Variants in DEK observed in about 807,000 individuals in gnomAD.
DEK encodes the protein DEK proto-oncogene, also known as protein DEK.
In DEK, 28 loss-of-function variants were observed where a neutral mutation model predicts 46.8. The observed-to-expected ratio is 0.60, with a 90% confidence interval of 0.44 to 0.82. The LOEUF (loss-of-function observed/expected upper bound fraction) is 0.82. DEK is among the 40% of genes least tolerant of loss of function. The pLI, the probability that DEK is intolerant of heterozygous loss-of-function variation, is 0.00. For missense variants in DEK, 416 were observed against 430.6 expected, an observed-to-expected ratio of 0.97 and a Z score of 0.30; for synonymous variants, 160 against 144.5, an observed-to-expected ratio of 1.11 and a Z score of -0.77.
At chr6:18,234,796 C>T (rs1790576575) in intron 9 of DEK, among the ~76,000 whole-genome samples, 1 of 152,148 alleles carries the variant, frequency 6.6e-6, no homozygotes, top group East Asian at 1.9e-4. Flanking sequence ...ATTAAAAATA[C>T]TTTCTCACCT....
chr6:18,234,129 T>C (rs1036432589), intron 9 of DEK, among the ~76,000 whole-genome samples: 7 of 146,376 alleles, frequency 4.8e-5, no homozygotes, highest in African/African-American at 7.7e-5. Flanking sequence ...TAGGTGGGAA[T>C]TGAACAATGA....
intron 9 of DEK, among the ~76,000 whole-genome samples, chr6:18,229,027 G>A (rs182884931): frequency 3.3e-5 from 5 of 152,178 alleles, no homozygotes; most frequent in South Asian, 4.1e-4. Context: ...CACCTCACAC[G>A]GCCGGGTGCC....
At chr6:18,237,165 C>G in intron 8 of DEK, 129 of 364,722 alleles carry the variant, frequency 3.5e-4, no homozygotes, top group East Asian at 4.7e-4. Context: ...CCCAAGATAT[C>G]TCTCTCTCTG....
chr6:18,251,783 A>G (rs1791384516), intron 6 of DEK, among the ~76,000 whole-genome samples: 1 of 152,160 alleles, frequency 6.6e-6, no homozygotes, highest in African/African-American at 2.4e-5. Context: ...AATATCCCTC[A>G]CAATCTCAGC....
intron 7 of DEK, among the ~76,000 whole-genome samples, chr6:18,239,611 T>G (rs891111945): frequency 3.9e-5 from 6 of 152,158 alleles, no homozygotes; most frequent in Non-Finnish European, 8.8e-5. Context: ...AAATACATTT[T>G]TAAGGTGTCA....
chr6:18,253,523 T>C (rs1031374687), intron 6 of DEK, among the ~76,000 whole-genome samples: 2 of 152,154 alleles, frequency 1.3e-5, no homozygotes, highest in Non-Finnish European at 2.9e-5. Flanking sequence ...AAGCGGTAAA[T>C]GCATGTTACA....
intron 9 of DEK, among the ~76,000 whole-genome samples, chr6:18,229,625 T>G (rs981648765): frequency 6.6e-6 from 1 of 152,104 alleles, no homozygotes; most frequent in Non-Finnish European, 1.5e-5. Context: ...AGAAAGGGTA[T>G]CAGTGATTGA....
chr6:18,227,395 C>T (rs1248704213), intron 9 of DEK, among the ~76,000 whole-genome samples: 1 of 152,294 alleles, frequency 6.6e-6, no homozygotes, highest in East Asian at 1.9e-4. Context: ...ATATCTAAAG[C>T]ACAGCACTTA....
Position 18,258,019 on chromosome 6 carries a change from A to G in DEK, c.291T>C (p.Phe97=). The G allele has an allele frequency of 6.2e-7, 1 of 1,610,892 alleles. No homozygotes were observed. Among genetic ancestry groups the G allele is most frequent in the South Asian group, 1.1e-5 (1 of 89,966 alleles). ...GTTCATCGGTTTTCTTCTTACTTAG[A>G]AAAAAATGTATCCTCTCAATTTCAC... ...KLCEIERIHF[F]LSKKKTDELR... is the part of the protein sequence containing the mutation. Residue 97 remains phenylalanine, a synonymous_variant, in exon 4 of 11, where the codon TTT becomes TTC. Transcript: ENST00000652689.
chr6:18,243,061 T>C (rs1790966191), intron 7 of DEK, among the ~76,000 whole-genome samples: 1 of 152,136 alleles, frequency 6.6e-6, no homozygotes, highest in African/African-American at 2.4e-5. Context: ...GTTTCAGGCA[T>C]ACACTGGGGG....
At chr6:18,254,722 C>T (rs958265308) in intron 6 of DEK, among the ~76,000 whole-genome samples, 8 of 151,954 alleles carry the variant, frequency 5.3e-5, no homozygotes, top group Non-Finnish European at 4.4e-5. Flanking sequence ...TAGTGATCAC[C>T]TTGCCTCACA....
intron 7 of DEK, among the ~76,000 whole-genome samples, chr6:18,241,289 G>C (rs1342345111): frequency 6.6e-6 from 1 of 152,138 alleles, no homozygotes; most frequent in Non-Finnish European, 1.5e-5. Context: ...CCAGAATTTG[G>C]AGGTAACAGA....
At position 18,248,615 on chromosome 6, in the gene DEK, CTT is replaced by C. The variant is rs375080224; in HGVS notation, c.762+1034_762+1035del. ...ATTTCATACTTAGCTTTATAGAAGT[CTT>C]TATAAAATTTGACGCTAAAACAAGC... On this transcript the variant is annotated intron_variant, in intron 7 of 10. Coordinates refer to ENST00000652689, the MANE Select transcript of DEK (RefSeq NM_003472.4). Among the ~76,000 whole-genome samples, 9 of 152,074 alleles carry C rather than the reference CTT, an allele frequency of 5.9e-5. 1 individual carries two copies. Among genetic ancestry groups the C allele is most frequent in the South Asian group, 4.1e-4 (2 of 4,832 alleles).
intron 7 of DEK, chr6:18,244,469 G>C: frequency 1.8e-6 from 2 of 1,134,790 alleles, no homozygotes; most frequent in African/African-American, 3.2e-5. Context: ...AGCACTTTTT[G>C]AAGGAAGGCA....
At chr6:18,242,694 C>A (rs1790943314) in intron 7 of DEK, among the ~76,000 whole-genome samples, 1 of 152,024 alleles carries the variant, frequency 6.6e-6, no homozygotes, top group Non-Finnish European at 1.5e-5. Flanking sequence ...TGCCCAAGTA[C>A]CCTTATGTGA....
At chr6:18,230,296 G>T (rs1159005568) in intron 9 of DEK, among the ~76,000 whole-genome samples, 1 of 152,078 alleles carries the variant, frequency 6.6e-6, no homozygotes. Flanking sequence ...AAAGACCATC[G>T]ATGCTAGGAA....
intron 9 of DEK, among the ~76,000 whole-genome samples, chr6:18,230,317 C>T (rs1369905814): frequency 6.6e-6 from 1 of 152,142 alleles, no homozygotes; most frequent in Non-Finnish European, 1.5e-5. Context: ...GAAACTGCAT[C>T]AACTAACGAG....
At position 18,224,925 on chromosome 6, in the gene DEK, C is replaced by A; in HGVS notation, c.*794G>T. ...TTTTACAGAGTTAATACTAAAATTACAAATTGATGACACTTTCGAGGCAAA... is the reference window on the plus strand; with the variant it reads ...TTTTACAGAGTTAATACTAAAATTAAAAATTGATGACACTTTCGAGGCAAA... On this transcript the variant is annotated 3_prime_UTR_variant, in exon 11 of 11. Transcript: ENST00000652689. 1 of 214,030 alleles carries A rather than the reference C, an allele frequency of 4.7e-6. No individual in the cohort carries two copies. The highest frequency in any genetic ancestry group is 9.5e-6 in the Non-Finnish European group (1 of 105,590). 13.3% of individuals were successfully genotyped at this position (214,030 alleles called of 1,614,324 possible).
chr6:18,236,099 A>G (rs1370839832), intron 9 of DEK, among the ~76,000 whole-genome samples: 3 of 152,216 alleles, frequency 2.0e-5, no homozygotes, highest in East Asian at 1.9e-4. Context: ...TAAGAAGAGA[A>G]TAAGACGGTT....
Sources: allele counts gnomAD v4.1 joint callset (sites outside exome capture counted in the v4.1 genomes callset), GRCh38; gene constraint gnomAD v4.1.1; transcripts MANE v1.5; gene names NCBI Gene and HGNC (gene_info 2026-07-23, HGNC 2026-07-21).